GEMIN4: variants seen among roughly 807,000 people sequenced by gnomAD.
GEMIN4 encodes gem nuclear organelle associated protein 4.
GEMIN4 carries 59 observed loss-of-function variants against 76.8 expected under a neutral mutation model. The ratio of observed to expected loss-of-function variants is 0.77; its 90% CI spans 0.62 to 0.95. The LOEUF (loss-of-function observed/expected upper bound fraction) is 0.95, where lower values mean the gene tolerates loss of function less well. Ranked by LOEUF, GEMIN4 falls within the 40% of genes least tolerant of loss-of-function variation. GEMIN4 has a pLI of 0.00. For missense variants in GEMIN4, 1,311 were observed against 1,318.9 expected, an observed-to-expected ratio of 0.99 and a Z score of 0.09; for synonymous variants, 562 against 559.7, an observed-to-expected ratio of 1.00 and a Z score of -0.06.
In GEMIN4 at chr17:746,692, G is replaced by A. The variant is rs1238090220; in HGVS notation, c.1351C>T (p.Pro451Ser). ...LGSNRALFRQ[P>S]DLVLRLLETV... is the part of the protein sequence containing the mutation. ...TCCAGCAGCCTCAACACCAAGTCTG[G>A]CTGTCGGAAGAGGGCCCTGTTACTC... is the stretch of plus-strand genomic sequence containing the variant. Residue 451 changes from proline (P) to serine (S), a missense_variant, in exon 2 of 2, where the codon CCA (proline) becomes TCA (serine). By Grantham distance (74) the Pro-to-Ser change is moderately conservative. Around this residue, in one of 2 missense-constraint regions of GEMIN4, gnomAD observed 1,208 missense variants for 1,166.9 expected, o/e 1.04. Coordinates refer to ENST00000319004, the MANE Select transcript of GEMIN4 (RefSeq NM_015721.3). The surrounding 1 kb of genome is among the most constrained non-coding windows in gnomAD (Gnocchi z 4.3). The A allele has an allele frequency of 2.0e-5, 32 of 1,613,546 alleles. No homozygotes were observed. The highest frequency in any genetic ancestry group is 2.5e-5 in the Non-Finnish European group (30 of 1,179,870).
chr17:747,143 G>A lies in GEMIN4; in HGVS notation c.900C>T (p.Val300=), dbSNP rs775730979. ...AEKVKEAERD[V]SLTSLAKLPS... is the part of the protein sequence containing the mutation. ...GGAGTTTGGCCAGCGAGGTCAGGCT[G>A]ACATCCCGTTCTGCCTCCTTCACCT... The change falls in exon 2 of 2, where the codon GTC becomes GTT. Residue 300 remains valine, a synonymous_variant. Coordinates refer to ENST00000319004, the MANE Select transcript of GEMIN4 (RefSeq NM_015721.3). 2 of 1,613,692 alleles carry A rather than the reference G, an allele frequency of 1.2e-6. No homozygotes were observed. The highest frequency in any genetic ancestry group is 1.7e-5 in the Admixed American group (1 of 60,010).
rs1165963721 is a variant in GEMIN4 at position 745,990 on chromosome 17, C to T, written c.2053G>A (p.Glu685Lys). Residue 685 changes from glutamate (E) to lysine (K), a missense_variant, in exon 2 of 2, where the codon GAG becomes AAG. Coordinates refer to ENST00000319004, the MANE Select transcript of GEMIN4 (RefSeq NM_015721.3). This position sits in a 1 kb window ranked among gnomAD's most constrained non-coding sequence, Gnocchi z 4.6. ...IQTLEANACR[E>K]EYWLQTCSPF... ...GAGCAGGTCTGGAGCCAGTATTCCT[C>T]TCGGCACGCGTTTGCCTCTAGAGTC... 6.2e-7 allele frequency: 1 copy of T among 1,613,406 alleles called. No homozygotes were observed. Among genetic ancestry groups the T allele is most frequent in the East Asian group, 2.2e-5 (1 of 44,888 alleles).
chr17:749,455 A>T (rs538271525), intron 1 of GEMIN4: 6 of 158,118 alleles, frequency 3.8e-5, no homozygotes, highest in African/African-American at 1.4e-4. Flanking sequence ...ACACGGCTAC[A>T]GGATAATGGG....
At chr17:752,374 C>A (rs981438081), upstream of GEMIN4, 18 of 974,228 alleles carry the variant, frequency 1.8e-5, no homozygotes, top group African/African-American at 3.4e-5. Context: ...TCCCACCAGC[C>A]CTCAGGTACC....
chr17:752,269 AC>A, upstream of GEMIN4: 1 of 1,225,848 alleles, frequency 8.2e-7, no homozygotes, highest in Non-Finnish European at 1.0e-6. Flanking sequence ...CCTGCTCACA[AC>A]CTCCGCCCGG....
upstream of GEMIN4, chr17:753,593 A>G (rs1904866186): frequency 1.3e-5 from 2 of 154,238 alleles, no homozygotes; most frequent in Non-Finnish European, 2.9e-5. Flanking sequence ...ACATCAATAA[A>G]TCACTTAAAC....
At position 745,623 on chromosome 17, in the gene GEMIN4, G is replaced by A; in HGVS notation, c.2420C>T (p.Pro807Leu). The A allele has an allele frequency of 6.2e-7, 1 of 1,604,664 alleles. No individual in the cohort carries two copies. The highest frequency in any genetic ancestry group is 8.5e-7 in the Non-Finnish European group (1 of 1,176,234). ...SEDEWTSQAH[P>L]GYGAGTGLLA... is the part of the protein sequence containing the mutation. The stretch of plus-strand genomic sequence containing the variant: ...GAGCCCCGTGCCAGCCCCGTACCCT[G>A]GGTGGGCCTGGGAGGTCCACTCGTC... Residue 807 changes from proline to leucine, a missense_variant, in exon 2 of 2, where the codon CCA becomes CTA. Pro to Leu is a moderately conservative substitution (Grantham distance 98, BLOSUM62 -3). Transcript: ENST00000319004. This position sits in a 1 kb window ranked among gnomAD's most constrained non-coding sequence, Gnocchi z 4.6.
upstream of GEMIN4, chr17:752,270 C>T (rs956132885): frequency 1.6e-6 from 2 of 1,226,228 alleles, no homozygotes; most frequent in Non-Finnish European, 2.0e-6. Flanking sequence ...CTGCTCACAA[C>T]CTCCGCCCGG....
rs760102904 is a variant in GEMIN4, at chr17:744,820, ATCT to A, written c.*43_*45del. 26 of 1,558,702 alleles carry A rather than the reference ATCT, an allele frequency of 1.7e-5. No homozygotes were observed. In the African/African-American group the frequency reaches 3.4e-4, roughly 20 times the overall value. On this transcript the variant is annotated 3_prime_UTR_variant, in exon 2 of 2. Coordinates refer to ENST00000319004, the MANE Select transcript of GEMIN4 (RefSeq NM_015721.3). ...CTCCCGCACAGGTAAGAAGCTGCTG[ATCT>A]TCTGCAGACCCGCCATGTTGGGGCC...
chr17:752,054 G>C, intron 1 of GEMIN4, 79 bp downstream of exon 1: 3 of 986,006 alleles, frequency 3.0e-6, no homozygotes, highest in Non-Finnish European at 3.9e-6. Context: ...TGCGCGACAG[G>C]AGGAGACGCG....
intron 1 of GEMIN4, chr17:751,838 G>C (rs1409918425): frequency 1.6e-5 from 6 of 365,204 alleles, no homozygotes; most frequent in Non-Finnish European, 2.9e-5. Flanking sequence ...GAGGGAGCCC[G>C]TTTCCCAAAG....
rs779945300 is a variant in GEMIN4, at chr17:746,588, T to C, written c.1455A>G (p.Glu485=). ...CTGGCAGGGAGAGGTCTGCGTAACATTCCAGGATCAGGTGGATCACCTGCC... is the reference window on the plus strand; with the variant it reads ...CTGGCAGGGAGAGGTCTGCGTAACACTCCAGGATCAGGTGGATCACCTGCC... ...QIRQVIHLIL[E]CYADLSLPGK... The change falls in exon 2 of 2, where the codon GAA becomes GAG. Residue 485 remains glutamate, a synonymous_variant. Transcript: ENST00000319004. This position sits in a 1 kb window ranked among gnomAD's most constrained non-coding sequence, Gnocchi z 4.3. The C allele has an allele frequency of 2.2e-5, 36 of 1,613,650 alleles. No homozygotes were observed. The highest frequency in any genetic ancestry group is 3.0e-5 in the Non-Finnish European group (35 of 1,179,878).
chr17:750,236 C>T (rs1904597159), intron 1 of GEMIN4, among the ~76,000 whole-genome samples: 1 of 152,092 alleles, frequency 6.6e-6, no homozygotes, highest in Admixed American at 6.5e-5. Context: ...GATTGCTTCT[C>T]CAAGCCTTCC....
chr17:752,160 C>T lies in GEMIN4; in HGVS notation c.-18G>A. 8.1e-7 allele frequency: 1 copy of T among 1,234,938 alleles called. No individual in the cohort carries two copies. Among genetic ancestry groups the T allele is most frequent in the Non-Finnish European group, 1.0e-6 (1 of 988,942 alleles). 76.5% of individuals were successfully genotyped at this position (1,234,938 alleles called of 1,614,324 possible). ...AGGTCCATGGCGGCGACGCCGGCGG[C>T]TGCGCGGGGCTAACGCCCCCTCCCC... On this transcript the variant is annotated 5_prime_UTR_variant, in exon 1 of 2. Coordinates refer to ENST00000319004, the MANE Select transcript of GEMIN4 (RefSeq NM_015721.3).
Position 752,117 on chromosome 17 carries a change from G to T in GEMIN4, c.10+16C>A. 8.1e-7 allele frequency: 1 copy of T among 1,236,004 alleles called. No homozygotes were observed. The highest frequency in any genetic ancestry group is 1.5e-5 in the African/African-American group (1 of 64,674). 76.6% of individuals were successfully genotyped at this position (1,236,004 alleles called of 1,614,324 possible). On this transcript the variant is annotated intron_variant, in intron 1 of 1. Transcript: ENST00000319004. ...TTGCTGGACGCAGCCCGGGGCCGGG[G>T]AGCCGCGGCACCCACCTAGGTCCAT...
chr17:752,660 C>T, upstream of GEMIN4: 3 of 1,013,318 alleles, frequency 3.0e-6, no homozygotes, highest in Non-Finnish European at 3.5e-6. Flanking sequence ...CTCCAGACAG[C>T]AGCGTTCCGG....
intron 1 of GEMIN4, 63 bp from the exon 2 acceptor site, chr17:748,095 T>C (rs1480506462): frequency 4.0e-6 from 5 of 1,260,972 alleles, no homozygotes; most frequent in South Asian, 3.0e-5. Context: ...CCACTGCTGT[T>C]AGTAGGCTGT....
At position 744,813 on chromosome 17, in the gene GEMIN4, G is replaced by A; in HGVS notation, c.*53C>T. 2 of 1,547,090 alleles carry A rather than the reference G, an allele frequency of 1.3e-6. No individual in the cohort carries two copies. The highest frequency in any genetic ancestry group is 1.7e-6 in the Non-Finnish European group (2 of 1,151,586). The stretch of plus-strand genomic sequence containing the variant: ...TTTTTCGCTCCCGCACAGGTAAGAA[G>A]CTGCTGATCTTCTGCAGACCCGCCA... On this transcript the variant is annotated 3_prime_UTR_variant, in exon 2 of 2. Transcript: ENST00000319004.
chr17:744,574 TTTAA>T lies in GEMIN4; in HGVS notation c.*288_*291del. On this transcript the variant is annotated 3_prime_UTR_variant, in exon 2 of 2. Transcript: ENST00000319004. Reference sequence around the variant, plus strand: ...ACACTAAACCCAATTTCAGAGCATATTTAATCCTGGGCTATTGCTGAGGCCGACT... The same window carrying T: ...ACACTAAACCCAATTTCAGAGCATATTCCTGGGCTATTGCTGAGGCCGACT... 1 of 288,150 alleles carries T rather than the reference TTTAA, an allele frequency of 3.5e-6. No individual in the cohort carries two copies. The highest frequency in any genetic ancestry group is 6.9e-5 in the East Asian group (1 of 14,590). 17.8% of individuals were successfully genotyped at this position (288,150 alleles called of 1,614,324 possible).
Sources: allele counts gnomAD v4.1 joint callset (sites outside exome capture counted in the v4.1 genomes callset), GRCh38; gene constraint gnomAD v4.1.1; regional missense constraint gnomAD v4.1.1; non-coding constraint Gnocchi (gnomAD v3.1); transcripts MANE v1.5; gene names NCBI Gene and HGNC (gene_info 2026-07-23, HGNC 2026-07-21).